KLHL13: variants seen among roughly 807,000 people sequenced by gnomAD.
KLHL13 encodes kelch-like protein 13.
In KLHL13, 10 loss-of-function variants were observed where a neutral mutation model predicts 37.1. That is an observed-to-expected ratio of 0.27 (90% CI 0.17 to 0.46). The LOEUF (loss-of-function observed/expected upper bound fraction) is 0.46. Among genes scored for constraint, KLHL13 ranks in the 20% least tolerant of loss-of-function variants. KLHL13 has a pLI of 1.00. For missense variants in KLHL13, 360 were observed against 509.3 expected (o/e 0.71, Z 2.82); for synonymous variants, 163 against 181.2 (o/e 0.90, Z 0.81).
At chrX:118,105,891 GCTT>G (rs2055340421) in intron 1 of KLHL13, among the ~76,000 whole-genome samples, 1 of 87,929 alleles carries the variant, frequency 1.1e-5, no homozygotes, top group East Asian at 3.5e-4. Flanking sequence ...GGTCTAAACA[GCTT>G]TTTTTTTTTT....
intron 1 of KLHL13, among the ~76,000 whole-genome samples, chrX:118,111,673 A>G: frequency 8.9e-6 from 1 of 112,584 alleles, no homozygotes; most frequent in South Asian, 3.6e-4. Context: ...CAGGTGGATC[A>G]CGAGGTCAGA....
chrX:118,097,061 T>G (rs1224771041), intron 1 of KLHL13, among the ~76,000 whole-genome samples: 81 of 110,863 alleles, frequency 7.3e-4, no homozygotes, highest in Non-Finnish European at 1.2e-3. Context: ...TCAACATAGT[T>G]TTGGAAGTTC....
At chrX:118,032,031 G>T (rs72607606) in intron 1 of KLHL13, among the ~76,000 whole-genome samples, 1 of 111,235 alleles carries the variant, frequency 9.0e-6, no homozygotes, top group Non-Finnish European at 1.9e-5. Context: ...GCGCTTTTCC[G>T]ACGGGCTTAA....
chrX:117,981,564 A>C (rs1405584081), intron 1 of KLHL13, among the ~76,000 whole-genome samples: 1 of 109,621 alleles, frequency 9.1e-6, no homozygotes, highest in Non-Finnish European at 1.9e-5. Flanking sequence ...TTTTCCCTTT[A>C]GCTAGCATAC....
intron 1 of KLHL13, among the ~76,000 whole-genome samples, chrX:118,066,794 A>G (rs1319431372): frequency 8.9e-6 from 1 of 111,952 alleles, no homozygotes; most frequent in Non-Finnish European, 1.9e-5. Context: ...ACAATGAAAG[A>G]AAATCTAGTT....
At chrX:118,002,208 C>G (rs1471010307) in intron 1 of KLHL13, among the ~76,000 whole-genome samples, 1 of 111,632 alleles carries the variant, frequency 9.0e-6, no homozygotes, top group Non-Finnish European at 1.9e-5. Flanking sequence ...GGGAAGATGT[C>G]ATTTTCCTCA....
intron 5 of KLHL13, among the ~76,000 whole-genome samples, chrX:117,902,540 C>A (rs1004307054): frequency 9.0e-6 from 1 of 111,725 alleles, no homozygotes; most frequent in Middle Eastern, 4.6e-3. Flanking sequence ...CAGTACTACT[C>A]TTAACCTGAA....
rs192926675 is a variant in KLHL13, at chrX:118,066,619, C to T, written c.-56+49889G>A. ...TTGTAGCTATGAAAAACATGATCTA[C>T]GAAAGAGAAACCTGACAAAATGATC... On this transcript the variant is annotated intron_variant, in intron 1 of 6. Transcript: ENST00000371882. 1.5e-3 allele frequency among the ~76,000 whole-genome samples: 168 copies of T among 110,811 alleles called. 2 individuals carry two copies. Among genetic ancestry groups the T allele is most frequent in the African/African-American group, 5.3e-3 (163 of 30,539 alleles).
intron 1 of KLHL13, among the ~76,000 whole-genome samples, chrX:117,996,127 G>C (rs776528935): frequency 8.9e-6 from 1 of 112,155 alleles, no homozygotes; most frequent in East Asian, 2.8e-4. Context: ...AAAAAGCACA[G>C]GATTGAAAGG....
At position 118,052,710 on chromosome X, in the gene KLHL13, G is replaced by A. The variant is rs183584290; in HGVS notation, c.-56+63798C>T. On this transcript the variant is annotated intron_variant, in intron 1 of 6. Coordinates refer to the KLHL13 transcript ENST00000371882. ...AAATTAGCTGGGCGCACCTGTAATCGCAGCTACTCAGGAGGCTGAGGCAGA... is the reference window on the plus strand; with the variant it reads ...AAATTAGCTGGGCGCACCTGTAATCACAGCTACTCAGGAGGCTGAGGCAGA... Among the ~76,000 whole-genome samples, 44 of 108,472 alleles carry A rather than the reference G, an allele frequency of 4.1e-4. No homozygotes were observed. In the East Asian group the frequency reaches 4.9e-3, roughly 12 times the overall value. 94.2% of individuals were successfully genotyped at this position (108,472 alleles called of 115,157 possible).
intron 1 of KLHL13, among the ~76,000 whole-genome samples, chrX:118,087,740 G>T (rs2055071730): frequency 9.0e-6 from 1 of 111,134 alleles, no homozygotes; most frequent in South Asian, 3.8e-4. Flanking sequence ...AATTACTTTT[G>T]CCCTTCCCAT....
chrX:118,090,546 A>G lies in KLHL13; in HGVS notation c.-56+25962T>C, dbSNP rs777674297. Among the ~76,000 whole-genome samples the G allele has an allele frequency of 3.5e-3, 389 of 111,955 alleles. 12 individuals are homozygous for G. Among genetic ancestry groups the G allele is most frequent in the Admixed American group, 0.034 (354 of 10,552 alleles). ...GAAAAAATGCTCATCATCACTGGCCATCAGAGAAATGCAAATCAAAACCAC... is the reference window on the plus strand; with the variant it reads ...GAAAAAATGCTCATCATCACTGGCCGTCAGAGAAATGCAAATCAAAACCAC... On this transcript the variant is annotated intron_variant, in intron 1 of 6. Transcript: ENST00000371882.
upstream of KLHL13, chrX:118,116,958 A>G (rs1388715776): frequency 9.0e-6 from 1 of 110,684 alleles, no homozygotes; most frequent in African/African-American, 3.3e-5. Flanking sequence ...AGCCGGGGCT[A>G]GGACGGTGTG....
intron 1 of KLHL13, among the ~76,000 whole-genome samples, chrX:118,056,097 A>G (rs748906652): frequency 8.9e-6 from 1 of 112,097 alleles, no homozygotes; most frequent in East Asian, 2.8e-4. Flanking sequence ...GAAGACTATT[A>G]GAAGTAAAAA....
At chrX:117,960,117 T>G (rs1365374800) in intron 1 of KLHL13, among the ~76,000 whole-genome samples, 1 of 111,227 alleles carries the variant, frequency 9.0e-6, no homozygotes, top group East Asian at 2.8e-4. Flanking sequence ...GTGGCTCATG[T>G]CTGTAATCCC....
chrX:117,985,447 TAA>T (rs555339137), intron 1 of KLHL13: 1,541 of 599,833 alleles, frequency 2.6e-3, no homozygotes, highest in Non-Finnish European at 2.8e-3. Flanking sequence ...TTTATATATT[TAA>T]AAAAAAAAAA....
At chrX:117,995,167 G>A (rs1430909637) in intron 1 of KLHL13, among the ~76,000 whole-genome samples, 1 of 112,011 alleles carries the variant, frequency 8.9e-6, no homozygotes, top group Non-Finnish European at 1.9e-5. Context: ...GCCTTCATGT[G>A]TCATATCAGT....
At position 117,991,341 on chromosome X, in the gene KLHL13, A is replaced by G. The variant is rs181137490; in HGVS notation, c.-55-45766T>C. The stretch of plus-strand genomic sequence containing the variant: ...ACAGCCAAGGAGAGAGATACTAACA[A>G]TTAAAGGTGAATGCCCAGAACCATG... On this transcript the variant is annotated intron_variant, in intron 1 of 6. Coordinates refer to the KLHL13 transcript ENST00000371882. Among the ~76,000 whole-genome samples the G allele has an allele frequency of 4.5e-5, 5 of 110,530 alleles. No individual in the cohort carries two copies. The South Asian group carries it at 1.2e-3, about 26-fold the overall frequency.
chrX:117,949,783 T>C (rs148508924), intron 1 of KLHL13, among the ~76,000 whole-genome samples: 2,220 of 112,415 alleles, frequency 0.02, 23 homozygotes, highest in Non-Finnish European at 0.03. Flanking sequence ...AATTTCATTG[T>C]CAAGGAAAAG....
Sources: allele counts gnomAD v4.1 joint callset (sites outside exome capture counted in the v4.1 genomes callset), GRCh38; gene constraint gnomAD v4.1.1; transcripts MANE v1.5; gene names NCBI Gene and HGNC (gene_info 2026-07-23, HGNC 2026-07-21).